Variants in NUCB2 observed in about 807,000 individuals in gnomAD.
NUCB2 encodes the protein nucleobindin 2.
A neutral mutation model predicts 57.9 loss-of-function variants in NUCB2; 48 were observed. That is an observed-to-expected ratio of 0.83 (90% CI 0.66 to 1.05). The LOEUF is 1.05. NUCB2 is among the 50% of genes least tolerant of loss of function. NUCB2 has a pLI of 0.00. For missense variants in NUCB2, 442 were observed against 476.2 expected (o/e 0.93, Z 0.67); for synonymous variants, 139 against 152.1 (o/e 0.91, Z 0.64).
At chr11:17,310,171 T>G (rs1461428843) in intron 6 of NUCB2, among the ~76,000 whole-genome samples, 1 of 152,212 alleles carries the variant, frequency 6.6e-6, no homozygotes, top group Admixed American at 6.5e-5. Context: ...TTAGATTAGT[T>G]AAATGGTTAG....
At position 17,317,242 on chromosome 11, in the gene NUCB2, A is replaced by G. The variant is rs370154755; in HGVS notation, c.1002+1767A>G. On this transcript the variant is annotated intron_variant, in intron 11 of 13. Coordinates refer to ENST00000529010, the MANE Select transcript of NUCB2 (RefSeq NM_005013.4). The stretch of plus-strand genomic sequence containing the variant: ...TCCCTCCTCTCTATTTTTAATCTCT[A>G]TGTGTGTGTATGTATAACATATAAT... Among the ~76,000 whole-genome samples, 53 of 152,130 alleles carry G rather than the reference A, an allele frequency of 3.5e-4. 1 individual carries two copies. The South Asian group carries it at 0.011, about 31-fold the overall frequency.
intron 2 of NUCB2, among the ~76,000 whole-genome samples, chr11:17,338,169 AT>A (rs1951961330): frequency 6.6e-6 from 1 of 152,228 alleles, no homozygotes; most frequent in Non-Finnish European, 1.5e-5. Context: ...ACAAAAGCAA[AT>A]CAAAACCAAT....
In NUCB2 at chr11:17,288,959, A is replaced by ATT. The variant is rs532223454; in HGVS notation, c.-1+6017_-1+6018insTT. ...CACACACACACACACACATATATAT[A>ATT]TATATTTTTTTTTTTTGAGATGGAG... On this transcript the variant is annotated intron_variant, in intron 2 of 13. Coordinates refer to ENST00000529010, the MANE Select transcript of NUCB2 (RefSeq NM_005013.4). Among the ~76,000 whole-genome samples, 268 of 66,896 alleles carry ATT rather than the reference A, an allele frequency of 4.0e-3. 48 individuals carry two copies. In the East Asian group the frequency reaches 0.044, roughly 11 times the overall value. 43.9% of individuals were successfully genotyped at this position (66,896 alleles called of 152,430 possible). A position where few individuals can be genotyped will look rare whatever the true frequency, so the allele number is the denominator to read the frequency against.
Position 17,330,333 on chromosome 11 carries a change from A to G in NUCB2, c.1173+36A>G. On this transcript the variant is annotated intron_variant, in intron 12 of 13. Transcript: ENST00000529010. This position sits in a 1 kb window ranked among gnomAD's most constrained non-coding sequence, Gnocchi z 4.3. ...GTCAAAAGATTATGGCATTAAAAAG[A>G]TTTTAGGTGCTTTGTTAAAAGCCTG... The G allele has an allele frequency of 7.0e-7, 1 of 1,418,508 alleles. No homozygotes were observed. Among genetic ancestry groups the G allele is most frequent in the Non-Finnish European group, 9.7e-7 (1 of 1,027,012 alleles). The allele number at this position is 1,418,508 out of a possible 1,614,324, so 87.9% of individuals were successfully genotyped here.
At chr11:17,314,262 T>A (rs138318126) in intron 10 of NUCB2, among the ~76,000 whole-genome samples, 1 of 152,316 alleles carries the variant, frequency 6.6e-6, no homozygotes, top group African/African-American at 2.4e-5. Flanking sequence ...CTGGCATCTC[T>A]GCTTCTATTC....
intron 1 of NUCB2, among the ~76,000 whole-genome samples, chr11:17,282,216 A>ATC (rs1555061735): frequency 0.34 from 32,635 of 94,634 alleles, 4,412 homozygotes; most frequent in East Asian, 0.58. Flanking sequence ...ATCTATATCT[A>ATC]TATCTATCTA....
At chr11:17,333,253 T>A (rs1159650221), downstream of NUCB2, 1 of 152,228 alleles carries the variant, frequency 6.6e-6, no homozygotes, top group African/African-American at 2.4e-5. Context: ...TACATTAATT[T>A]TCAGACACAA....
intron 5 of NUCB2, among the ~76,000 whole-genome samples, chr11:17,306,670 A>T (rs1947690989): frequency 6.6e-6 from 1 of 152,192 alleles, no homozygotes; most frequent in Non-Finnish European, 1.5e-5. Flanking sequence ...TAATCCCAGC[A>T]CTTTGGGAGG....
chr11:17,282,642 A>G (rs1942950044), intron 1 of NUCB2, 147 bp from the exon 2 acceptor site: 1 of 152,168 alleles, frequency 6.6e-6, no homozygotes. Flanking sequence ...GATATAATTT[A>G]GTCTCCTTCC....
At chr11:17,314,502 C>A (rs892598619) in intron 10 of NUCB2, among the ~76,000 whole-genome samples, 1 of 152,138 alleles carries the variant, frequency 6.6e-6, no homozygotes, top group Non-Finnish European at 1.5e-5. Flanking sequence ...CAAGCTTGTT[C>A]CCATTTTAGG....
chr11:17,336,757 A>G (rs1391113647), downstream of NUCB2, among the ~76,000 whole-genome samples: 1 of 114,720 alleles, frequency 8.7e-6, no homozygotes, highest in Non-Finnish European at 1.8e-5. Flanking sequence ...CCGTCTCAAA[A>G]AAAAAAAAAA....
chr11:17,295,187 T>A, intron 2 of NUCB2, 137 bp from the exon 3 acceptor site: 1 of 666,946 alleles, frequency 1.5e-6, no homozygotes, highest in Non-Finnish European at 2.3e-6. Flanking sequence ...TAATCTATTC[T>A]TTCCTTTCCT....
downstream of NUCB2, among the ~76,000 whole-genome samples, chr11:17,336,690 C>G (rs1951829617): frequency 8.1e-6 from 1 of 124,012 alleles, no homozygotes; most frequent in African/African-American, 3.1e-5. Flanking sequence ...GGAGGCGGAG[C>G]TTGCAGTGAG....
chr11:17,301,897 T>C, intron 5 of NUCB2, 27 bp downstream of exon 5: 1 of 1,589,928 alleles, frequency 6.3e-7, no homozygotes, highest in Non-Finnish European at 8.6e-7. Context: ...AGGTAGGATT[T>C]TTTTTTTCTT....
chr11:17,284,705 C>T (rs1943319912), intron 2 of NUCB2, among the ~76,000 whole-genome samples: 1 of 107,528 alleles, frequency 9.3e-6, no homozygotes, highest in Non-Finnish European at 1.9e-5. Flanking sequence ...AAAAACAACC[C>T]AGTTTTTAAG....
intron 11 of NUCB2, among the ~76,000 whole-genome samples, chr11:17,322,805 G>T (rs1449723801): frequency 6.6e-6 from 1 of 151,778 alleles, no homozygotes; most frequent in Non-Finnish European, 1.5e-5. Context: ...TAACTTCTTT[G>T]GTTAATTCCT....
intron 2 of NUCB2, chr11:17,286,628 CTT>C: frequency 6.6e-6 from 1 of 152,298 alleles, no homozygotes; most frequent in African/African-American, 2.4e-5. Flanking sequence ...AGTGTCTCCT[CTT>C]TAGGTCCGTA....
chr11:17,329,348 A>G (rs1951091755), intron 11 of NUCB2, among the ~76,000 whole-genome samples: 1 of 152,092 alleles, frequency 6.6e-6, no homozygotes, highest in African/African-American at 2.4e-5. Flanking sequence ...CCAGCCTAGC[A>G]CTAGGAGTTG....
At position 17,282,258 on chromosome 11, in the gene NUCB2, A is replaced by ATTT. The variant is rs71047540; in HGVS notation, c.-155-518_-155-516dup. 6.8e-3 allele frequency among the ~76,000 whole-genome samples: 706 copies of ATTT among 103,412 alleles called. 8 individuals are homozygous for ATTT. Among genetic ancestry groups the ATTT allele is most frequent in the African/African-American group, 0.025 (564 of 22,412 alleles). The allele number at this position is 103,412 out of a possible 152,430, so 67.8% of individuals were successfully genotyped here. The stretch of plus-strand genomic sequence containing the variant: ...TATCTATATATATATATATATATAT[A>ATTT]TTTTTTTTTTTTTTTCCCAAGACAG... On this transcript the variant is annotated intron_variant, in intron 1 of 13. Transcript: ENST00000529010.
Sources: allele counts gnomAD v4.1 joint callset (sites outside exome capture counted in the v4.1 genomes callset), GRCh38; gene constraint gnomAD v4.1.1; non-coding constraint Gnocchi (gnomAD v3.1); transcripts MANE v1.5; gene names NCBI Gene and HGNC (gene_info 2026-07-23, HGNC 2026-07-21).